CCSER1: variants seen among roughly 807,000 people sequenced by gnomAD.
CCSER1 encodes coiled-coil serine rich protein 1.
CCSER1 carries 41 observed loss-of-function variants against 82.0 expected under a neutral mutation model. The ratio of observed to expected loss-of-function variants is 0.50; its 90% confidence interval spans 0.39 to 0.65. The LOEUF is 0.65. Ranked by LOEUF, CCSER1 falls within the 30% of genes least tolerant of loss-of-function variation. The pLI is 0.00. For missense variants in CCSER1, 1,119 were observed against 1,064.2 expected (o/e 1.05, Z -0.72); for synonymous variants, 414 against 383.9 (o/e 1.08, Z -0.92).
At chr4:91,418,136 A>G (rs1753475710) in intron 10 of CCSER1, among the ~76,000 whole-genome samples, 1 of 152,060 alleles carries the variant, frequency 6.6e-6, no homozygotes, top group African/African-American at 2.4e-5. Context: ...GAAAAGAAAG[A>G]TACTGGATAA....
intron 10 of CCSER1, among the ~76,000 whole-genome samples, chr4:91,489,896 C>CA (rs1157877833): frequency 1.3e-5 from 2 of 152,024 alleles, no homozygotes; most frequent in African/African-American, 2.4e-5. Context: ...AACTCTATAG[C>CA]AAAAAACTCT....
intron 6 of CCSER1, chr4:90,641,940 T>G (rs952248612): frequency 4.1e-5 from 14 of 343,752 alleles, no homozygotes; most frequent in Non-Finnish European, 9.2e-5. Context: ...TAACTTTCAG[T>G]TTTCTTCATG....
At chr4:90,682,137 C>G (rs556405385) in intron 6 of CCSER1, among the ~76,000 whole-genome samples, 1 of 151,900 alleles carries the variant, frequency 6.6e-6, no homozygotes, top group Non-Finnish European at 1.5e-5. Flanking sequence ...ATTTGGCAAA[C>G]ATGGTGTAGG....
At chr4:91,370,806 G>A (rs1157551564) in intron 10 of CCSER1, among the ~76,000 whole-genome samples, 1 of 152,038 alleles carries the variant, frequency 6.6e-6, no homozygotes, top group Non-Finnish European at 1.5e-5. Flanking sequence ...AATCACATAA[G>A]GTTAAATGGG....
chr4:91,142,236 G>A (rs1441685063), intron 10 of CCSER1, among the ~76,000 whole-genome samples: 2 of 152,092 alleles, frequency 1.3e-5, no homozygotes, highest in Non-Finnish European at 2.9e-5. Flanking sequence ...TTTTATAAAG[G>A]AGAGTTCCCC....
At chr4:90,749,585 G>C (rs1267569241) in intron 7 of CCSER1, among the ~76,000 whole-genome samples, 1 of 152,076 alleles carries the variant, frequency 6.6e-6, no homozygotes, top group Admixed American at 6.6e-5. Flanking sequence ...AAAGTCATTG[G>C]TAGCTTGATG....
chr4:90,893,700 C>A (rs1327303942), intron 8 of CCSER1, among the ~76,000 whole-genome samples: 2 of 151,804 alleles, frequency 1.3e-5, no homozygotes, highest in East Asian at 3.9e-4. Flanking sequence ...ATTACTTTTA[C>A]AAATATTAAC....
chr4:90,886,399 G>A (rs938766592), intron 8 of CCSER1, among the ~76,000 whole-genome samples: 2 of 152,038 alleles, frequency 1.3e-5, no homozygotes, highest in African/African-American at 2.4e-5. Context: ...ATAATTATCA[G>A]CCTAAGTGAG....
intron 8 of CCSER1, among the ~76,000 whole-genome samples, chr4:90,865,944 G>A (rs577623066): frequency 3.3e-5 from 5 of 152,082 alleles, no homozygotes; most frequent in African/African-American, 1.2e-4. Flanking sequence ...CAATCATGCT[G>A]AAAGGTGAAG....
chr4:90,909,940 A>G (rs1726074867), intron 8 of CCSER1, among the ~76,000 whole-genome samples: 1 of 152,212 alleles, frequency 6.6e-6, no homozygotes, highest in African/African-American at 2.4e-5. Context: ...CACTGCTATA[A>G]AGAACTACCT....
At chr4:90,743,944 G>C (rs935107288) in intron 7 of CCSER1, among the ~76,000 whole-genome samples, 2 of 152,136 alleles carry the variant, frequency 1.3e-5, no homozygotes, top group African/African-American at 4.8e-5. Context: ...TGGTCACTTA[G>C]TGATATTAGT....
At chr4:90,359,411 A>G (rs947276867) in intron 3 of CCSER1, among the ~76,000 whole-genome samples, 5 of 152,128 alleles carry the variant, frequency 3.3e-5, no homozygotes, top group Non-Finnish European at 7.4e-5. Context: ...TACTGAGCAT[A>G]TAACCTCTGG....
intron 4 of CCSER1, among the ~76,000 whole-genome samples, chr4:90,445,322 G>C (rs1395570804): frequency 5.9e-5 from 9 of 152,064 alleles, no homozygotes; most frequent in Admixed American, 4.6e-4. Flanking sequence ...GCTTCAAAGA[G>C]TGATACTTTC....
intron 10 of CCSER1, among the ~76,000 whole-genome samples, chr4:91,120,990 T>C (rs769704753): frequency 2.6e-5 from 4 of 151,962 alleles, no homozygotes; most frequent in Non-Finnish European, 5.9e-5. Context: ...CCTCCTGCTT[T>C]CTATTCTGAT....
At position 91,187,272 on chromosome 4, in the gene CCSER1, C is replaced by T. The variant is rs143524375; in HGVS notation, c.2217+101278C>T. ...GCTGTAGACTGGAGCTGTTCCTATT[C>T]GGCCATCTTGGCACCTCTCTCTGCT... is the stretch of plus-strand genomic sequence containing the variant. On this transcript the variant is annotated intron_variant, in intron 10 of 10. Coordinates refer to ENST00000509176, the MANE Select transcript of CCSER1 (RefSeq NM_001145065.2). 8.4e-3 allele frequency among the ~76,000 whole-genome samples: 1,284 copies of T among 152,310 alleles called. 7 individuals are homozygous for T. Among genetic ancestry groups the T allele is most frequent in the African/African-American group, 0.021 (878 of 41,560 alleles).
intron 5 of CCSER1, among the ~76,000 whole-genome samples, chr4:90,523,813 G>T (rs895697725): frequency 6.6e-6 from 1 of 151,860 alleles, no homozygotes; most frequent in African/African-American, 2.4e-5. Context: ...GAGAAGAAAG[G>T]CATATCTGAA....
chr4:90,301,609 T>A (rs1026554992), intron 1 of CCSER1, among the ~76,000 whole-genome samples: 2 of 152,124 alleles, frequency 1.3e-5, no homozygotes, highest in African/African-American at 4.8e-5. Context: ...AATTTGTTTT[T>A]TCAAAATAAA....
At chr4:91,536,764 C>A (rs1226417608) in intron 10 of CCSER1, among the ~76,000 whole-genome samples, 4 of 152,054 alleles carry the variant, frequency 2.6e-5, no homozygotes, top group African/African-American at 9.7e-5. Flanking sequence ...ATTAAACAAT[C>A]CCCACTGTTA....
intron 10 of CCSER1, among the ~76,000 whole-genome samples, chr4:91,102,079 A>C (rs771417392): frequency 2.0e-5 from 3 of 152,192 alleles, no homozygotes; most frequent in Non-Finnish European, 2.9e-5. Context: ...CAGACAGAGG[A>C]GCTCGTGCAG....
Sources: allele counts gnomAD v4.1 joint callset (sites outside exome capture counted in the v4.1 genomes callset), GRCh38; gene constraint gnomAD v4.1.1; transcripts MANE v1.5; gene names NCBI Gene and HGNC (gene_info 2026-07-23, HGNC 2026-07-21).